The following WHRN variants were observed in gnomAD, a reference collection of about 807,000 sequenced individuals.
WHRN encodes whirlin, also known as CASK-interacting protein CIP98.
Under a neutral mutation model 68.3 loss-of-function variants are expected in WHRN, and 41 were observed. That is an observed-to-expected ratio of 0.60 (90% confidence interval 0.47 to 0.78). The LOEUF (loss-of-function observed/expected upper bound fraction) is 0.78. WHRN is among the 30% of genes least tolerant of loss of function. The pLI is 0.00. For missense variants in WHRN, 1,243 were observed against 1,244.7 expected (o/e 1.00, Z 0.02); for synonymous variants, 560 against 561.3 (o/e 1.00, Z 0.03).
In WHRN at chr9:114,406,603, C is replaced by T. The variant is rs145308682; in HGVS notation, c.1988G>A (p.Arg663Lys). The change falls in exon 9 of 12, where the codon AGG becomes AAG. Residue 663 changes from arginine to lysine, a missense_variant. By Grantham distance (26) the Arg-to-Lys change is conservative. Coordinates refer to ENST00000362057, the MANE Select transcript of WHRN (RefSeq NM_015404.4). ...CAGGGCCAGATGGGCGTCCAGCGGCCTCTTGGAGCTGGGGTTGGCAGGGGA... is the reference window on the plus strand; with the variant it reads ...CAGGGCCAGATGGGCGTCCAGCGGCTTCTTGGAGCTGGGGTTGGCAGGGGA... ...SVSPANPSSK[R>K]PLDAHLALVN... The T allele has an allele frequency of 6.7e-5, 108 of 1,610,640 alleles. No individual in the cohort carries two copies. The highest frequency in any genetic ancestry group is 8.8e-5 in the Non-Finnish European group (104 of 1,177,610).
At chr9:114,470,791 C>T (rs1021629377) in intron 2 of WHRN, among the ~76,000 whole-genome samples, 1 of 152,270 alleles carries the variant, frequency 6.6e-6, no homozygotes, top group South Asian at 2.1e-4. Flanking sequence ...AGCCCAGCTC[C>T]TTGGGTGACC....
Position 114,403,950 on chromosome 9 carries a change from C to A in WHRN, c.2364G>T (p.Arg788Ser), listed in dbSNP as rs1441372523. ...RGRQSVSTKS[R>S]SSKELPRNER... The stretch of plus-strand genomic sequence containing the variant: ...CGTTCCGAGGCAGCTCCTTGCTACT[C>A]CTGCTCTTGGTGGACACCGACTGCC... Residue 788 changes from arginine to serine, a missense_variant, in exon 10 of 12, where the codon AGG (arginine) becomes AGT (serine). Arg to Ser is a moderately radical substitution (Grantham distance 110). Transcript: ENST00000362057. 2 of 1,611,534 alleles carry A rather than the reference C, an allele frequency of 1.2e-6. No homozygotes were observed. Among genetic ancestry groups the A allele is most frequent in the Non-Finnish European group, 1.7e-6 (2 of 1,180,004 alleles).
Position 114,406,673 on chromosome 9 carries a change from A to T in WHRN, c.1918T>A (p.Ser640Thr), listed in dbSNP as rs777212889. 2 of 1,613,892 alleles carry T rather than the reference A, an allele frequency of 1.2e-6. No homozygotes were observed. The highest frequency in any genetic ancestry group is 1.7e-6 in the Non-Finnish European group (2 of 1,180,004). The change falls in exon 9 of 12, where the codon TCC (serine) becomes ACC (threonine). Residue 640 changes from serine (S) to threonine (T), a missense_variant. Physicochemically the swap from Ser to Thr is moderately conservative, Grantham distance 58. Transcript: ENST00000362057. ...PAGTAPTPGT[S>T]SAQDLPSSPI... Reference sequence around the variant, plus strand: ...GAAGAGGGCAAGTCCTGTGCAGAGGAGGTCCCTGGGGTGGGTGCGGTGCCC... The same window carrying T: ...GAAGAGGGCAAGTCCTGTGCAGAGGTGGTCCCTGGGGTGGGTGCGGTGCCC...
At chr9:114,474,954 AC>A (rs1313990821) in intron 2 of WHRN, among the ~76,000 whole-genome samples, 2 of 152,106 alleles carry the variant, frequency 1.3e-5, no homozygotes, top group Non-Finnish European at 2.9e-5. Context: ...AAAAACTCAT[AC>A]TACCTCACAC....
chr9:114,450,273 C>T (rs537328046), intron 3 of WHRN, among the ~76,000 whole-genome samples: 1 of 152,314 alleles, frequency 6.6e-6, no homozygotes, highest in Non-Finnish European at 1.5e-5. Context: ...GGAGAGGTTG[C>T]TGCTCTGCCA....
intron 3 of WHRN, among the ~76,000 whole-genome samples, chr9:114,447,722 T>C (rs1838953706): frequency 6.6e-6 from 1 of 150,954 alleles, no homozygotes; most frequent in African/African-American, 2.4e-5. Flanking sequence ...CTTTCCAACT[T>C]TGTCTCTCTC....
intron 1 of WHRN, among the ~76,000 whole-genome samples, chr9:114,495,341 G>C (rs1029522606): frequency 1.3e-5 from 2 of 152,206 alleles, no homozygotes; most frequent in Non-Finnish European, 2.9e-5. Context: ...AGGCTGGCCA[G>C]GAGGATGCTA....
rs532890615 is a variant in WHRN at position 114,456,521 on chromosome 9, C to T, written c.963+9746G>A. Among the ~76,000 whole-genome samples the T allele has an allele frequency of 2.6e-5, 4 of 152,204 alleles. No individual in the cohort carries two copies. The South Asian group carries it at 6.2e-4, about 24-fold the overall frequency. On this transcript the variant is annotated intron_variant, in intron 3 of 11. Transcript: ENST00000362057. ...TGTACTTCAGCTGGGAATTTTTCTC[C>T]CTCCTCAAAAGTATATGGGTTAGGG... is the stretch of plus-strand genomic sequence containing the variant.
At chr9:114,499,738 C>T (rs867941308) in intron 1 of WHRN, among the ~76,000 whole-genome samples, 7 of 152,324 alleles carry the variant, frequency 4.6e-5, no homozygotes, top group Middle Eastern at 6.8e-3. Flanking sequence ...GTGCGGCTGC[C>T]GGCAGGCAGA....
chr9:114,402,601 G>A lies in WHRN; in HGVS notation c.*153C>T. 1 of 962,418 alleles carries A rather than the reference G, an allele frequency of 1.0e-6. No homozygotes were observed. The highest frequency in any genetic ancestry group is 1.8e-5 in the Admixed American group (1 of 55,224). The allele number at this position is 962,418 out of a possible 1,614,324, so 59.6% of individuals were successfully genotyped here. A position where few individuals can be genotyped will look rare whatever the true frequency, so the allele number is the denominator to read the frequency against. On this transcript the variant is annotated 3_prime_UTR_variant, in exon 12 of 12. Transcript: ENST00000362057. ...CTTGTCCTGCTCTCTTCCTCTCCCA[G>A]TTCTGGTCCAGTGGGCTGGGATGGA...
chr9:114,447,312 C>T (rs191842801), intron 3 of WHRN, among the ~76,000 whole-genome samples: 195 of 152,274 alleles, frequency 1.3e-3, no homozygotes, highest in African/African-American at 4.5e-3. Context: ...CTCCACACGC[C>T]CTGGCTGTGT....
At chr9:114,403,094 A>G in intron 11 of WHRN, 123 bp downstream of exon 11, 1 of 1,548,648 alleles carries the variant, frequency 6.5e-7, no homozygotes. Flanking sequence ...AGCAAAGGTG[A>G]CATAAGCCTA....
At chr9:114,450,339 C>T (rs890656214) in intron 3 of WHRN, among the ~76,000 whole-genome samples, 2 of 152,292 alleles carry the variant, frequency 1.3e-5, no homozygotes, top group South Asian at 2.1e-4. Flanking sequence ...CAAAGAGGGA[C>T]AGGCAGGATT....
intron 3 of WHRN, among the ~76,000 whole-genome samples, chr9:114,437,200 G>A (rs1236328074): frequency 6.6e-6 from 1 of 152,154 alleles, no homozygotes. Context: ...GCAGTAGTAG[G>A]ATAAATGAGT....
chr9:114,444,714 C>T (rs1211170868), intron 3 of WHRN, among the ~76,000 whole-genome samples: 3 of 151,812 alleles, frequency 2.0e-5, no homozygotes, highest in Non-Finnish European at 4.4e-5. Flanking sequence ...AATTACATAA[C>T]CATACTCTGT....
chr9:114,478,102 C>T (rs368062529), intron 2 of WHRN, among the ~76,000 whole-genome samples: 2 of 150,728 alleles, frequency 1.3e-5, no homozygotes, highest in East Asian at 1.9e-4. Context: ...TGTTACATGA[C>T]GGAGAAAAAA....
At chr9:114,439,719 T>G (rs963253791) in intron 3 of WHRN, among the ~76,000 whole-genome samples, 8 of 152,234 alleles carry the variant, frequency 5.3e-5, no homozygotes, top group African/African-American at 1.9e-4. Context: ...GGGTTTAAAC[T>G]GTGTAGGTAC....
intron 3 of WHRN, among the ~76,000 whole-genome samples, chr9:114,456,864 A>G (rs1005472609): frequency 6.6e-6 from 1 of 151,976 alleles, no homozygotes; most frequent in Non-Finnish European, 1.5e-5. Context: ...AGGAATTCTG[A>G]AATGACTTTG....
intron 11 of WHRN, 27 bp downstream of exon 11, chr9:114,403,190 T>C: frequency 1.2e-6 from 2 of 1,613,644 alleles, no homozygotes; most frequent in South Asian, 1.1e-5. Context: ...TAGGGAGAGA[T>C]GGCAAGTGGG....
Sources: allele counts gnomAD v4.1 joint callset (sites outside exome capture counted in the v4.1 genomes callset), GRCh38; gene constraint gnomAD v4.1.1; transcripts MANE v1.5; gene names NCBI Gene and HGNC (gene_info 2026-07-23, HGNC 2026-07-21).